The following LAX1 variants were observed in gnomAD, a reference collection of about 807,000 sequenced individuals.
The protein encoded by LAX1 is lymphocyte transmembrane adaptor 1.
Under a neutral mutation model 20.7 loss-of-function variants are expected in LAX1, and 17 were observed. The ratio of observed to expected loss-of-function variants is 0.82; its 90% CI spans 0.56 to 1.23. The LOEUF is 1.23. LAX1 is among the 50% of genes most tolerant of loss of function. The pLI, the probability that LAX1 is intolerant of heterozygous loss-of-function variation, is 0.00. For missense variants in LAX1, 470 were observed against 487.0 expected (o/e 0.97, Z 0.33); for synonymous variants, 165 against 181.0 (o/e 0.91, Z 0.71).
At position 203,765,467 on chromosome 1, in the gene LAX1, C is replaced by T. The variant is rs553732546; in HGVS notation, c.-99C>T. ...TAGACACGAGATAGGGAGTTTGTTG[C>T]GGGGGTGGGGAGAAGTGGTAGACAT... On this transcript the variant is annotated 5_prime_UTR_variant, in exon 1 of 5. Transcript: ENST00000442561. 1.5e-5 allele frequency: 24 copies of T among 1,567,462 alleles called. No homozygotes were observed. The African/African-American group carries it at 2.0e-4, about 13-fold the overall frequency.
chr1:203,772,148 G>T lies in LAX1; in HGVS notation c.390+1G>T. On this transcript the variant is annotated splice_donor_variant, in intron 4 of 4. Transcript: ENST00000442561. LOFTEE classifies it high-confidence loss of function. ...AAATTCTGAGAGCCCGGAGCATGTG[G>T]TAAGAGTCAAGCTTCTTGGGAGAAT... 2.5e-6 allele frequency: 4 copies of T among 1,610,876 alleles called. No individual in the cohort carries two copies. Among genetic ancestry groups the T allele is most frequent in the Non-Finnish European group, 3.4e-6 (4 of 1,177,048 alleles).
rs150122628 is a variant in LAX1, at chr1:203,769,116, C to T, written c.90-1712C>T. On this transcript the variant is annotated intron_variant, in intron 1 of 4. Coordinates refer to ENST00000442561, the MANE Select transcript of LAX1 (RefSeq NM_017773.4). ...ACTAGAAACTTGGATGGGCTGGGCG[C>T]GGTGGCTCACACCTGTAATCCCAGC... Among the ~76,000 whole-genome samples, 786 of 151,890 alleles carry T rather than the reference C, an allele frequency of 5.2e-3. 7 individuals carry two copies. The highest frequency in any genetic ancestry group is 0.018 in the African/African-American group (729 of 41,368).
chr1:203,770,462 G>A (rs1436374401), intron 1 of LAX1, among the ~76,000 whole-genome samples: 1,157 of 9,934 alleles, frequency 0.12, 52 homozygotes, highest in Non-Finnish European at 0.28. Flanking sequence ...AGAAAGGAAG[G>A]AAGGAAGGAA....
intron 4 of LAX1, among the ~76,000 whole-genome samples, chr1:203,773,074 A>G (rs968212965): frequency 2.6e-5 from 4 of 152,170 alleles, no homozygotes; most frequent in Non-Finnish European, 5.9e-5. Flanking sequence ...ATATTCCAAC[A>G]ATGCCATTGG....
intron 1 of LAX1, among the ~76,000 whole-genome samples, chr1:203,770,371 G>GCAC (rs10692720): frequency 0.24 from 32,116 of 131,872 alleles, 5,681 homozygotes; most frequent in South Asian, 0.33. Context: ...AGCTGAGATT[G>GCAC]TGCCACTGCA....
chr1:203,767,962 A>AT (rs112366965), intron 1 of LAX1, among the ~76,000 whole-genome samples: 4,547 of 149,510 alleles, frequency 0.03, 106 homozygotes, highest in African/African-American at 0.061. Flanking sequence ...CTGTCTCAAA[A>AT]TTTTTTTTTT....
intron 4 of LAX1, among the ~76,000 whole-genome samples, chr1:203,772,455 T>C (rs1449845398): frequency 8.5e-5 from 13 of 152,104 alleles, no homozygotes; most frequent in African/African-American, 3.1e-4. Flanking sequence ...TGAGATGGAG[T>C]CTTGTTCTGT....
rs1436213973 is a variant in LAX1 at position 203,771,427 on chromosome 1, A to C, written c.260A>C (p.Gln87Pro). The change falls in exon 3 of 5, where the codon CAA becomes CCA. Residue 87 changes from glutamine to proline, a missense_variant. Physicochemically the swap from Gln to Pro is moderately conservative, Grantham distance 76. Coordinates refer to ENST00000442561, the MANE Select transcript of LAX1 (RefSeq NM_017773.4). ...TTGCTGACTTTGCCACAAACCAGAC[A>C]AAGAGCCAAAAATATTTATGACATC... Reference protein sequence around the residue: ...MPLLTLPQTRQRAKNIYDILP... With the variant: ...MPLLTLPQTRPRAKNIYDILP... 6.2e-7 allele frequency: 1 copy of C among 1,613,818 alleles called. No homozygotes were observed. The highest frequency in any genetic ancestry group is 1.3e-5 in the African/African-American group (1 of 74,906).
intron 1 of LAX1, among the ~76,000 whole-genome samples, chr1:203,768,577 G>C (rs1043579737): frequency 1.3e-5 from 2 of 152,176 alleles, no homozygotes; most frequent in African/African-American, 2.4e-5. Context: ...AGGGAAAGTG[G>C]TAGGAAATAA....
At chr1:203,768,035 G>T (rs1159729926) in intron 1 of LAX1, among the ~76,000 whole-genome samples, 1 of 152,144 alleles carries the variant, frequency 6.6e-6, no homozygotes, top group Non-Finnish European at 1.5e-5. Flanking sequence ...ATCGGGCTGG[G>T]TGAGGTGGCT....
chr1:203,766,894 C>T (rs111302374), intron 1 of LAX1, among the ~76,000 whole-genome samples: 6 of 151,818 alleles, frequency 4.0e-5, no homozygotes, highest in African/African-American at 1.5e-4. Context: ...CTCGCTCTGT[C>T]GCCCAGGCTG....
intron 1 of LAX1, among the ~76,000 whole-genome samples, chr1:203,769,243 T>A (rs932263580): frequency 6.6e-6 from 1 of 151,168 alleles, no homozygotes; most frequent in Non-Finnish European, 1.5e-5. Context: ...ACAAAAAAAA[T>A]TAGCCGGGCG....
chr1:203,767,370 C>CAATCTAG (rs1667323236), intron 1 of LAX1, among the ~76,000 whole-genome samples: 1 of 131,504 alleles, frequency 7.6e-6, no homozygotes, highest in South Asian at 2.6e-4. Flanking sequence ...TGCAAGGTTG[C>CAATCTAG]AATCTAGGGT....
intron 1 of LAX1, among the ~76,000 whole-genome samples, chr1:203,770,454 A>G (rs559925629): frequency 2.3e-4 from 5 of 21,964 alleles, no homozygotes; most frequent in Admixed American, 1.7e-3. Flanking sequence ...AGAGAGAGAG[A>G]AAGGAAGGAA....
intron 1 of LAX1, among the ~76,000 whole-genome samples, chr1:203,768,013 T>C (rs1378008103): frequency 2.6e-5 from 4 of 151,984 alleles, no homozygotes; most frequent in Non-Finnish European, 5.9e-5. Context: ...TATGAATGTA[T>C]AATATCAATC....
chr1:203,769,495 A>C (rs1477556322), intron 1 of LAX1: 3 of 152,114 alleles, frequency 2.0e-5, no homozygotes, highest in African/African-American at 7.2e-5. Context: ...CCTAAAACTC[A>C]AGGGGACAAA....
chr1:203,775,620 A>G lies in LAX1; in HGVS notation c.*939A>G, dbSNP rs551831881. The G allele has an allele frequency of 6.6e-6, 1 of 152,362 alleles. No individual in the cohort carries two copies. The highest frequency in any genetic ancestry group is 1.9e-4 in the East Asian group (1 of 5,184). The allele number at this position is 152,362 out of a possible 1,614,324, so 9.4% of individuals were successfully genotyped here. A position where few individuals can be genotyped will look rare whatever the true frequency, so the allele number is the denominator to read the frequency against. ...CTTATGTTCACACAAAAACTCGCAC[A>G]TGACTGTTTATAGCAGCTTCATTCA... is the stretch of plus-strand genomic sequence containing the variant. On this transcript the variant is annotated 3_prime_UTR_variant, in exon 5 of 5. Transcript: ENST00000442561.
At position 203,765,472 on chromosome 1, in the gene LAX1, G is replaced by T. The variant is rs1476644780; in HGVS notation, c.-94G>T. ...ACGAGATAGGGAGTTTGTTGCGGGG[G>T]TGGGGAGAAGTGGTAGACATGCTGG... On this transcript the variant is annotated 5_prime_UTR_variant, in exon 1 of 5. Coordinates refer to ENST00000442561, the MANE Select transcript of LAX1 (RefSeq NM_017773.4). 4 of 1,573,282 alleles carry T rather than the reference G, an allele frequency of 2.5e-6. No individual in the cohort carries two copies.
In LAX1 at chr1:203,774,408, G is replaced by A. The variant is rs1350766248; in HGVS notation, c.924G>A (p.Gln308=). Residue 308 remains glutamine, a synonymous_variant, in exon 5 of 5, where the codon CAG becomes CAA. Coordinates refer to ENST00000442561, the MANE Select transcript of LAX1 (RefSeq NM_017773.4). ...PAADPSGSQQ[Q]AEKDVPSSNI... ...CAGATCCCAGTGGAAGCCAGCAGCA[G>A]GCTGAGAAAGATGTGCCATCCTCAA... 1.2e-6 allele frequency: 2 copies of A among 1,614,236 alleles called. No homozygotes were observed. The highest frequency in any genetic ancestry group is 2.2e-5 in the East Asian group (1 of 44,890).
Sources: allele counts gnomAD v4.1 joint callset (sites outside exome capture counted in the v4.1 genomes callset), GRCh38; gene constraint gnomAD v4.1.1; transcripts MANE v1.5; gene names NCBI Gene and HGNC (gene_info 2026-07-23, HGNC 2026-07-21).